Variants in CFAP54 observed in about 807,000 individuals in gnomAD.
The protein encoded by CFAP54 is cilia- and flagella-associated protein 54.
In CFAP54, 290 loss-of-function variants were observed where a neutral mutation model predicts 370.4. The observed-to-expected ratio is 0.78, with a 90% CI of 0.71 to 0.86. The LOEUF (loss-of-function observed/expected upper bound fraction) is 0.86, where lower values mean the gene tolerates loss of function less well. Among genes scored for constraint, CFAP54 ranks in the 40% least tolerant of loss-of-function variants. The probability of loss-of-function intolerance (pLI) is 0.00; values close to 1 mark genes in which losing one functional copy is unlikely to be tolerated. For missense variants in CFAP54, 3,399 were observed against 3,528.7 expected, an observed-to-expected ratio of 0.96 and a Z score of 0.93; for synonymous variants, 1,206 against 1,236.5, an observed-to-expected ratio of 0.98 and a Z score of 0.52.
intron 39 of CFAP54, 88 bp from the exon 40 acceptor site, chr12:96,679,512 G>T (rs1957247194): frequency 3.6e-6 from 5 of 1,406,460 alleles, no homozygotes. Context: ...TTGGGACCAA[G>T]AAATTCTCTG....
intron 15 of CFAP54, 58 bp from the exon 16 acceptor site, chr12:96,554,122 AGT>A (rs1955726925): frequency 9.2e-7 from 1 of 1,082,708 alleles, no homozygotes; most frequent in Non-Finnish European, 1.3e-6. Flanking sequence ...AAAAATTGGA[AGT>A]GTTGCATTTG....
In CFAP54 at chr12:96,513,002, C is replaced by T. The variant is rs968553804; in HGVS notation, c.756C>T (p.Tyr252=). ...WIIFNGTIYI[Y]TICRKLMVIG... ...TCCATCCAGGTACCATTTATATTTA[C>T]ACCATTTGCAGAAAACTGATGGTCA... The change falls in exon 5 of 68, where the codon TAC becomes TAT. Residue 252 remains tyrosine, a synonymous_variant. Coordinates refer to ENST00000524981, the MANE Select transcript of CFAP54 (RefSeq NM_001306084.2). The T allele has an allele frequency of 6.6e-7, 1 of 1,517,358 alleles. No individual in the cohort carries two copies. Among genetic ancestry groups the T allele is most frequent in the Non-Finnish European group, 8.8e-7 (1 of 1,136,772 alleles). The allele number at this position is 1,517,358 out of a possible 1,614,324, so 94.0% of individuals were successfully genotyped here.
chr12:96,551,479 A>ATGGGTG (rs1240565972), intron 15 of CFAP54, among the ~76,000 whole-genome samples: 1 of 119,440 alleles, frequency 8.4e-6, no homozygotes, highest in African/African-American at 3.5e-5. Context: ...CGATTCTTGA[A>ATGGGTG]TGGGTATGTG....
intron 23 of CFAP54, among the ~76,000 whole-genome samples, chr12:96,591,910 A>ATT (rs11285595): frequency 7.2e-6 from 1 of 137,932 alleles, no homozygotes; most frequent in Non-Finnish European, 1.6e-5. Context: ...AAAAAGAAAT[A>ATT]TTTTTTTTTT....
intron 67 of CFAP54, among the ~76,000 whole-genome samples, chr12:96,864,297 C>G (rs1024840077): frequency 5.9e-5 from 9 of 152,072 alleles, no homozygotes; most frequent in Non-Finnish European, 1.3e-4. Flanking sequence ...CAGGAAAGAG[C>G]GAAGAGAAGC....
At chr12:96,779,383 TG>T (rs1232180325) in intron 60 of CFAP54, among the ~76,000 whole-genome samples, 1 of 152,098 alleles carries the variant, frequency 6.6e-6, no homozygotes, top group Non-Finnish European at 1.5e-5. Flanking sequence ...ATCCTTTTGG[TG>T]GGCATAATAG....
chr12:96,610,628 C>T (rs1017237632), intron 26 of CFAP54, among the ~76,000 whole-genome samples: 4 of 152,170 alleles, frequency 2.6e-5, no homozygotes, highest in Non-Finnish European at 5.9e-5. Flanking sequence ...CAGGGAATTC[C>T]GTTTCCTAGC....
chr12:96,754,742 G>A (rs1958231622), intron 56 of CFAP54, among the ~76,000 whole-genome samples: 1 of 151,360 alleles, frequency 6.6e-6, no homozygotes, highest in Non-Finnish European at 1.5e-5. Flanking sequence ...CTCTGCTAGT[G>A]CCTACATTTT....
At chr12:96,700,179 A>T in intron 46 of CFAP54, 86 bp downstream of exon 46, 1 of 1,385,706 alleles carries the variant, frequency 7.2e-7, no homozygotes, top group Non-Finnish European at 9.9e-7. Context: ...ACGAAAGTGT[A>T]TTTACAATCT....
chr12:96,816,697 A>G (rs1958977604), intron 64 of CFAP54, among the ~76,000 whole-genome samples: 1 of 152,132 alleles, frequency 6.6e-6, no homozygotes, highest in South Asian at 2.1e-4. Context: ...CCTTGAATGG[A>G]GACATGCATG....
chr12:96,821,294 G>A (rs554233827), intron 65 of CFAP54, among the ~76,000 whole-genome samples: 1 of 152,198 alleles, frequency 6.6e-6, no homozygotes, highest in African/African-American at 2.4e-5. Flanking sequence ...AATAAATGAG[G>A]TCGAGGGTAT....
intron 11 of CFAP54, among the ~76,000 whole-genome samples, chr12:96,534,670 A>G (rs1955482946): frequency 1.3e-5 from 2 of 152,132 alleles, no homozygotes; most frequent in Admixed American, 1.3e-4. Context: ...AAATCCTAAA[A>G]GTTATTGTGT....
chr12:96,738,191 C>A (rs568241846), intron 50 of CFAP54, among the ~76,000 whole-genome samples: 2 of 152,154 alleles, frequency 1.3e-5, no homozygotes, highest in Admixed American at 1.3e-4. Context: ...ACATGAAGTG[C>A]GACTCACAGA....
At chr12:96,538,636 A>G (rs1955535553) in intron 13 of CFAP54, 118 bp downstream of exon 13, 1 of 897,106 alleles carries the variant, frequency 1.1e-6, no homozygotes, top group Non-Finnish European at 1.7e-6. Flanking sequence ...TTTCATTTGC[A>G]TATATACATA....
intron 26 of CFAP54, among the ~76,000 whole-genome samples, chr12:96,618,273 C>T (rs1007185993): frequency 6.6e-5 from 10 of 152,160 alleles, no homozygotes; most frequent in African/African-American, 2.4e-4. Context: ...ACCAATTCAG[C>T]TTATCGACAT....
At chr12:96,719,832 GC>G (rs1164209083) in intron 49 of CFAP54, among the ~76,000 whole-genome samples, 12 of 152,330 alleles carry the variant, frequency 7.9e-5, no homozygotes, top group African/African-American at 2.6e-4. Flanking sequence ...GTGCTGAAGT[GC>G]TGTGGAGCAT....
chr12:96,843,710 T>C (rs1959255765), intron 66 of CFAP54, among the ~76,000 whole-genome samples: 1 of 152,142 alleles, frequency 6.6e-6, no homozygotes, highest in African/African-American at 2.4e-5. Flanking sequence ...TTACATAGAG[T>C]GACCATACAT....
chr12:96,561,634 A>G (rs532115050), intron 17 of CFAP54, among the ~76,000 whole-genome samples: 1 of 152,024 alleles, frequency 6.6e-6, no homozygotes, highest in East Asian at 1.9e-4. Flanking sequence ...AGAAACCAAG[A>G]TCTGTAAGCT....
intron 58 of CFAP54, among the ~76,000 whole-genome samples, chr12:96,762,778 T>C (rs1234781148): frequency 1.3e-5 from 2 of 152,136 alleles, no homozygotes; most frequent in Non-Finnish European, 2.9e-5. Flanking sequence ...AGGGTTTTTT[T>C]TTTCTTTTTT....
Sources: allele counts gnomAD v4.1 joint callset (sites outside exome capture counted in the v4.1 genomes callset), GRCh38; gene constraint gnomAD v4.1.1; transcripts MANE v1.5; gene names NCBI Gene and HGNC (gene_info 2026-07-23, HGNC 2026-07-21).